The following STAP1 variants were observed in gnomAD, a reference collection of about 807,000 sequenced individuals.
The protein encoded by STAP1 is signal transducing adaptor family member 1, also known as signal-transducing adaptor protein 1.
Under a neutral mutation model 37.8 loss-of-function variants are expected in STAP1, and 30 were observed. That is an observed-to-expected ratio of 0.79 (90% confidence interval 0.59 to 1.08). The LOEUF (loss-of-function observed/expected upper bound fraction) is 1.08. Among genes scored for constraint, STAP1 ranks in the 50% least tolerant of loss-of-function variants. STAP1 has a pLI of 0.00. For missense variants in STAP1, 357 were observed against 349.4 expected (o/e 1.02, Z -0.17); for synonymous variants, 130 against 116.0 (o/e 1.12, Z -0.78).
In STAP1 at chr4:67,571,137, C is replaced by T. The variant is rs575858699; in HGVS notation, c.174C>T (p.Thr58=). 3.6e-5 allele frequency: 58 copies of T among 1,608,066 alleles called. No individual in the cohort carries two copies. The highest frequency in any genetic ancestry group is 1.3e-4 in the East Asian group (6 of 44,764). Reference sequence around the variant, plus strand: ...GAGGAACTACTCTTTTCTTTTATACCGACAAAAAGAGTATAATAGTAAGTA... The same window carrying T: ...GAGGAACTACTCTTTTCTTTTATACTGACAAAAAGAGTATAATAGTAAGTA... The part of the protein sequence containing the change: ...ELRGTTLFFY[T]DKKSIIYVDK... The change falls in exon 2 of 9, where the codon ACC becomes ACT. Residue 58 remains threonine, a synonymous_variant. Coordinates refer to ENST00000265404, the MANE Select transcript of STAP1 (RefSeq NM_012108.4).
intron 1 of STAP1, among the ~76,000 whole-genome samples, chr4:67,565,090 A>G (rs1727436775): frequency 1.3e-5 from 2 of 152,222 alleles, no homozygotes; most frequent in African/African-American, 4.8e-5. Flanking sequence ...CAGGGTGGGG[A>G]AGCCTTAAAA....
At chr4:67,575,850 A>T (rs1203516210) in intron 3 of STAP1, among the ~76,000 whole-genome samples, 2 of 152,170 alleles carry the variant, frequency 1.3e-5, no homozygotes, top group East Asian at 3.9e-4. Flanking sequence ...ATTAAATAAG[A>T]TATACTCGGA....
chr4:67,601,048 C>T (rs1256950597), intron 8 of STAP1, among the ~76,000 whole-genome samples: 2 of 151,926 alleles, frequency 1.3e-5, no homozygotes, highest in African/African-American at 4.8e-5. Flanking sequence ...TCTCTTCCTT[C>T]CTACCTTCTT....
At chr4:67,578,314 CAGTT>C (rs1727772081) in intron 4 of STAP1, among the ~76,000 whole-genome samples, 1 of 152,304 alleles carries the variant, frequency 6.6e-6, no homozygotes, top group East Asian at 1.9e-4. Flanking sequence ...TTATTAGAGT[CAGTT>C]AAACACAGAT....
intron 4 of STAP1, among the ~76,000 whole-genome samples, chr4:67,578,366 C>A (rs1727772796): frequency 6.6e-6 from 1 of 152,228 alleles, no homozygotes; most frequent in Non-Finnish European, 1.5e-5. Context: ...CCATTGCAGT[C>A]ATCTGAAATA....
At chr4:67,575,918 T>C (rs181796507) in intron 3 of STAP1, among the ~76,000 whole-genome samples, 86 of 152,304 alleles carry the variant, frequency 5.6e-4, no homozygotes, top group Middle Eastern at 3.4e-3. Flanking sequence ...AACTTCCGTG[T>C]AATAGGAATC....
intron 8 of STAP1, among the ~76,000 whole-genome samples, chr4:67,595,691 A>T (rs777342694): frequency 7.9e-5 from 12 of 152,202 alleles, no homozygotes; most frequent in Non-Finnish European, 1.8e-4. Flanking sequence ...TAATTCTTGA[A>T]ATTAGGAGGA....
At chr4:67,574,666 C>T (rs955211970) in intron 2 of STAP1, among the ~76,000 whole-genome samples, 13 of 152,132 alleles carry the variant, frequency 8.5e-5, no homozygotes, top group African/African-American at 3.1e-4. Context: ...CCAAATCTGG[C>T]CTATGGCCTG....
intron 8 of STAP1, among the ~76,000 whole-genome samples, chr4:67,595,207 T>G (rs557514288): frequency 1.3e-5 from 2 of 152,074 alleles, no homozygotes; most frequent in African/African-American, 4.8e-5. Flanking sequence ...GTGTCAAGGT[T>G]CATTTAGTTG....
intron 8 of STAP1, 53 bp downstream of exon 8, chr4:67,593,409 A>C: frequency 7.4e-7 from 1 of 1,345,596 alleles, no homozygotes. Flanking sequence ...AAACAAAACA[A>C]AATCCCCAAA....
chr4:67,565,934 CTTTTTTTTTTTT>C (rs60607477), intron 1 of STAP1, among the ~76,000 whole-genome samples: 3 of 59,450 alleles, frequency 5.0e-5, no homozygotes, highest in African/African-American at 1.7e-4. Flanking sequence ...AACCCAACTG[CTTTTTTTTTTTT>C]TTTTTTTTTT....
chr4:67,573,018 G>A (rs1727639817), intron 2 of STAP1, among the ~76,000 whole-genome samples: 2 of 152,088 alleles, frequency 1.3e-5, no homozygotes, highest in Admixed American at 1.3e-4. Context: ...AGACCTTTTG[G>A]GAACTTTTTA....
chr4:67,562,463 C>G (rs555538063), intron 1 of STAP1, among the ~76,000 whole-genome samples: 158 of 152,194 alleles, frequency 1.0e-3, no homozygotes, highest in African/African-American at 3.5e-3. Context: ...GCACAGATCC[C>G]TAATATAAGA....
chr4:67,585,330 G>T (rs180909832), intron 6 of STAP1, among the ~76,000 whole-genome samples: 1 of 152,206 alleles, frequency 6.6e-6, no homozygotes, highest in Admixed American at 6.5e-5. Context: ...GATATGTATG[G>T]TGAATAAAGG....
intron 1 of STAP1, among the ~76,000 whole-genome samples, chr4:67,559,291 G>GA (rs1727281456): frequency 6.6e-6 from 1 of 152,020 alleles, no homozygotes; most frequent in Non-Finnish European, 1.5e-5. Flanking sequence ...CTTCAATGAT[G>GA]ACATGTACCA....
intron 8 of STAP1, among the ~76,000 whole-genome samples, chr4:67,602,436 A>G (rs1333289972): frequency 6.6e-6 from 1 of 152,150 alleles, no homozygotes; most frequent in Non-Finnish European, 1.5e-5. Context: ...AGAGTTAGGT[A>G]CTTAATCTAG....
intron 5 of STAP1, 78 bp downstream of exon 5, chr4:67,581,549 T>G: frequency 2.7e-6 from 4 of 1,486,756 alleles, no homozygotes; most frequent in Non-Finnish European, 2.7e-6. Context: ...GTTAGTCACT[T>G]GCTCTTGTTA....
chr4:67,573,943 T>C (rs1727662290), intron 2 of STAP1, among the ~76,000 whole-genome samples: 1 of 152,132 alleles, frequency 6.6e-6, no homozygotes, highest in Non-Finnish European at 1.5e-5. Flanking sequence ...TACAGGTAGT[T>C]CTTTCTACTA....
At chr4:67,575,617 T>A in intron 3 of STAP1, 119 bp downstream of exon 3, 1 of 757,580 alleles carries the variant, frequency 1.3e-6, no homozygotes, top group Non-Finnish European at 2.1e-6. Flanking sequence ...TTTGTTAATA[T>A]TTTTGCTTGC....
Sources: allele counts gnomAD v4.1 joint callset (sites outside exome capture counted in the v4.1 genomes callset), GRCh38; gene constraint gnomAD v4.1.1; transcripts MANE v1.5; gene names NCBI Gene and HGNC (gene_info 2026-07-23, HGNC 2026-07-21).